The following GRM8 variants were observed in gnomAD, a reference collection of about 807,000 sequenced individuals.
The protein encoded by GRM8 is glutamate metabotropic receptor 8, also known as metabotropic glutamate receptor 8.
In GRM8, 47 loss-of-function variants were observed where a neutral mutation model predicts 87.2. The observed-to-expected ratio is 0.54, with a 90% confidence interval of 0.43 to 0.69. GRM8 has a LOEUF of 0.69. GRM8 is among the 30% of genes least tolerant of loss of function. The pLI, the probability that GRM8 is intolerant of heterozygous loss-of-function variation, is 0.00. For synonymous variants in GRM8, 396 were observed against 404.5 expected (o/e 0.98, Z 0.25); for missense variants, 1,019 against 1,139.2 (o/e 0.89, Z 1.52).
intron 3 of GRM8, among the ~76,000 whole-genome samples, chr7:127,016,502 C>T (rs1815679952): frequency 6.6e-6 from 1 of 152,058 alleles, no homozygotes; most frequent in African/African-American, 2.4e-5. Flanking sequence ...AATCGTGTTA[C>T]TGCCTCTGTG....
intron 2 of GRM8, among the ~76,000 whole-genome samples, chr7:127,124,129 C>G (rs1314885784): frequency 6.6e-6 from 1 of 152,138 alleles, no homozygotes; most frequent in Non-Finnish European, 1.5e-5. Flanking sequence ...AACCATTACT[C>G]AACTCCTCAT....
At chr7:126,772,003 T>C (rs1198150115) in intron 6 of GRM8, among the ~76,000 whole-genome samples, 1 of 152,130 alleles carries the variant, frequency 6.6e-6, no homozygotes. Flanking sequence ...CCAGAATCAT[T>C]CATCAAGTTT....
chr7:126,588,181 C>T (rs1482494154), intron 8 of GRM8, among the ~76,000 whole-genome samples: 1 of 152,134 alleles, frequency 6.6e-6, no homozygotes, highest in Admixed American at 6.6e-5. Context: ...GAACTAGTTA[C>T]AGGCAAGTCT....
chr7:126,453,793 A>G (rs1331171867), intron 9 of GRM8, among the ~76,000 whole-genome samples: 1 of 151,812 alleles, frequency 6.6e-6, no homozygotes, highest in African/African-American at 2.4e-5. Flanking sequence ...TTAATTTTCA[A>G]TTATTATATA....
At chr7:127,216,541 A>AAAAAAAAAAAAAAT (rs1796562605) in intron 2 of GRM8, among the ~76,000 whole-genome samples, 1 of 151,442 alleles carries the variant, frequency 6.6e-6, no homozygotes, top group Non-Finnish European at 1.5e-5. Flanking sequence ...AAAACAAAAA[A>AAAAAAAAAAAAAAT]AAAAAAAGAA....
chr7:126,526,877 G>A (rs1562921167), intron 9 of GRM8, among the ~76,000 whole-genome samples: 1 of 152,164 alleles, frequency 6.6e-6, no homozygotes, highest in Non-Finnish European at 1.5e-5. Context: ...GCATAAATGA[G>A]GCCACATAAA....
intron 6 of GRM8, among the ~76,000 whole-genome samples, chr7:126,780,123 A>G (rs1819901498): frequency 6.6e-6 from 1 of 152,236 alleles, no homozygotes; most frequent in East Asian, 1.9e-4. Flanking sequence ...AGTTAAACTC[A>G]GTATATATTC....
intron 7 of GRM8, among the ~76,000 whole-genome samples, chr7:126,669,577 C>T (rs933978379): frequency 6.6e-6 from 1 of 152,184 alleles, no homozygotes; most frequent in Non-Finnish European, 1.5e-5. Flanking sequence ...GTTTTGAGAA[C>T]TATTTGACTT....
chr7:126,577,580 A>G (rs1052210918), intron 8 of GRM8, among the ~76,000 whole-genome samples: 4 of 152,062 alleles, frequency 2.6e-5, no homozygotes, highest in Admixed American at 2.6e-4. Context: ...AAAAAAGTAG[A>G]TGTGACATTT....
chr7:127,171,851 A>T (rs1793821915), intron 2 of GRM8, among the ~76,000 whole-genome samples: 1 of 152,228 alleles, frequency 6.6e-6, no homozygotes, highest in African/African-American at 2.4e-5. Context: ...GAGAAATCCC[A>T]GTTATACAGC....
At chr7:126,531,880 C>A (rs1396639615) in intron 9 of GRM8, among the ~76,000 whole-genome samples, 1 of 152,160 alleles carries the variant, frequency 6.6e-6, no homozygotes, top group Admixed American at 6.5e-5. Flanking sequence ...AATGTTATAG[C>A]CTGGGAAATG....
chr7:127,196,822 A>G (rs1795302382), intron 2 of GRM8, among the ~76,000 whole-genome samples: 1 of 152,222 alleles, frequency 6.6e-6, no homozygotes, highest in African/African-American at 2.4e-5. Context: ...CATAGAGATG[A>G]TAATAAGAGT....
chr7:126,893,753 T>TA (rs994011559), intron 6 of GRM8, among the ~76,000 whole-genome samples: 14 of 151,518 alleles, frequency 9.2e-5, no homozygotes, highest in African/African-American at 2.2e-4. Context: ...TCATAAGTAA[T>TA]AAAAAAAAAT....
At chr7:127,053,742 C>T (rs1375657212) in intron 3 of GRM8, among the ~76,000 whole-genome samples, 1 of 140,434 alleles carries the variant, frequency 7.1e-6, no homozygotes, top group Non-Finnish European at 1.5e-5. Flanking sequence ...GAGCTAAGAC[C>T]ACACCATTAC....
At chr7:126,470,656 T>C (rs1805077450) in intron 9 of GRM8, among the ~76,000 whole-genome samples, 1 of 152,152 alleles carries the variant, frequency 6.6e-6, no homozygotes. Flanking sequence ...AACACACGTG[T>C]GCATGTGTCT....
chr7:126,853,301 A>T (rs1363136916), intron 6 of GRM8, among the ~76,000 whole-genome samples: 1 of 152,154 alleles, frequency 6.6e-6, no homozygotes, highest in Non-Finnish European at 1.5e-5. Context: ...ATAACAGATG[A>T]TGGAGGTCGC....
At chr7:127,173,583 G>A (rs1299523886) in intron 2 of GRM8, among the ~76,000 whole-genome samples, 1 of 152,152 alleles carries the variant, frequency 6.6e-6, no homozygotes, top group Non-Finnish European at 1.5e-5. Context: ...CCACTGCAGG[G>A]CTTTAAGCAG....
rs1818616594 is a variant in GRM8, at chr7:127,043,392, T to G, written c.727+63104A>C. On this transcript the variant is annotated intron_variant, in intron 3 of 10. Transcript: ENST00000339582. ...AATGTCCAACAATGATAGACTGGAT[T>G]AAGAAAATGTGGCACATATACACTA... 2.6e-5 allele frequency among the ~76,000 whole-genome samples: 4 copies of G among 152,254 alleles called. No homozygotes were observed. The South Asian group carries it at 8.3e-4, about 32-fold the overall frequency.
intron 3 of GRM8, among the ~76,000 whole-genome samples, chr7:126,997,294 A>C (rs2131999919): frequency 6.6e-6 from 1 of 152,024 alleles, no homozygotes; most frequent in South Asian, 2.1e-4. Flanking sequence ...ATACAGCAAA[A>C]GCAGTACTAA....
Sources: gnomAD v4.1 joint callset for allele counts (sites outside exome capture counted in the v4.1 genomes callset) on GRCh38, gnomAD v4.1.1 for gene constraint, MANE v1.5 for transcripts, NCBI Gene and HGNC (gene_info 2026-07-23, HGNC 2026-07-21) for gene names.